ERCC2: variants seen among roughly 807,000 people sequenced by gnomAD.
ERCC2 encodes the protein general transcription and DNA repair factor IIH helicase subunit XPD.
A neutral mutation model predicts 99.4 loss-of-function variants in ERCC2; 90 were observed. The observed-to-expected ratio is 0.91, with a 90% CI of 0.76 to 1.08. ERCC2 has a LOEUF of 1.08. ERCC2 is among the 50% of genes least tolerant of loss of function. The pLI is 0.00. For missense variants in ERCC2, 993 were observed against 1,038.1 expected, an observed-to-expected ratio of 0.96 and a Z score of 0.60; for synonymous variants, 497 against 432.4, an observed-to-expected ratio of 1.15 and a Z score of -1.85.
At chr19:45,355,141 G>A (rs1220039274) in intron 16 of ERCC2, among the ~76,000 whole-genome samples, 2 of 152,238 alleles carry the variant, frequency 1.3e-5, no homozygotes, top group Non-Finnish European at 2.9e-5. Context: ...TGGATCATCT[G>A]AAGTCAGGAG....
chr19:45,365,226 C>G, intron 5 of ERCC2, 68 bp from the exon 6 acceptor site: 1 of 1,147,412 alleles, frequency 8.7e-7, no homozygotes, highest in South Asian at 1.2e-5. Context: ...ACCCTGGTCT[C>G]CACACCTCCC....
chr19:45,370,428 C>T lies in ERCC2; in HGVS notation c.5+108G>A, dbSNP rs3916793. On this transcript the variant is annotated intron_variant, in intron 1 of 22. Transcript: ENST00000391945. ...CCCTGCGGCTGCCCCCGTCCCACCCCTTCACCCTCCCCTCGCCCCCTTGGG... is the reference window on the plus strand; with the variant it reads ...CCCTGCGGCTGCCCCCGTCCCACCCTTTCACCCTCCCCTCGCCCCCTTGGG... 6.1e-4 allele frequency: 917 copies of T among 1,499,820 alleles called. 6 individuals carry two copies. In the African/African-American group the frequency reaches 0.011, roughly 17 times the overall value. The allele number at this position is 1,499,820 out of a possible 1,614,324, so 92.9% of individuals were successfully genotyped here.
intron 5 of ERCC2, among the ~76,000 whole-genome samples, chr19:45,367,868 T>C (rs2123309433): frequency 6.6e-6 from 1 of 151,954 alleles, no homozygotes; most frequent in African/African-American, 2.4e-5. Flanking sequence ...ATTTGTCATA[T>C]ATCATTATGC....
chr19:45,363,669 C>T, intron 11 of ERCC2, 74 bp downstream of exon 11: 29 of 1,450,532 alleles, frequency 2.0e-5, no homozygotes, highest in Non-Finnish European at 2.5e-5. Flanking sequence ...CCTGGGGCTA[C>T]AGGCGTGGAG....
chr19:45,359,919 T>C (rs3916831), intron 12 of ERCC2, among the ~76,000 whole-genome samples: 2,984 of 150,990 alleles, frequency 0.02, 99 homozygotes, highest in African/African-American at 0.067. Context: ...GAACTATAGG[T>C]GCGTGCCACC....
At position 45,357,250 on chromosome 19, in the gene ERCC2, C is replaced by T. The variant is rs201300021; in HGVS notation, c.1479+20G>A. 1.3e-5 allele frequency: 20 copies of T among 1,592,454 alleles called. No individual in the cohort carries two copies. Among genetic ancestry groups the T allele is most frequent in the Admixed American group, 8.4e-5 (5 of 59,394 alleles). On this transcript the variant is annotated intron_variant, in intron 15 of 22. Transcript: ENST00000391945. Reference sequence around the variant, plus strand: ...CCCCCATCTCCCCTCCCGGCCCCAGCCCTAGCCTCTCCCACTCACCATAGG... The same window carrying T: ...CCCCCATCTCCCCTCCCGGCCCCAGTCCTAGCCTCTCCCACTCACCATAGG...
chr19:45,369,710 C>T (rs752690722), intron 2 of ERCC2, among the ~76,000 whole-genome samples: 2 of 152,134 alleles, frequency 1.3e-5, no homozygotes, highest in Non-Finnish European at 2.9e-5. Context: ...ACAAGTGTCA[C>T]TATTGCCCAG....
intron 17 of ERCC2, among the ~76,000 whole-genome samples, chr19:45,353,593 C>G (rs1011501944): frequency 2.0e-5 from 3 of 152,170 alleles, no homozygotes; most frequent in African/African-American, 7.2e-5. Context: ...CAACCCCTGC[C>G]AGCGATTGGT....
chr19:45,357,909 T>G, intron 12 of ERCC2: 1 of 611,588 alleles, frequency 1.6e-6, no homozygotes, highest in South Asian at 1.8e-5. Flanking sequence ...GGCCCACACC[T>G]GTGCAAACTT....
intron 12 of ERCC2, chr19:45,359,077 G>A: frequency 1.7e-6 from 1 of 599,822 alleles, no homozygotes; most frequent in Non-Finnish European, 3.0e-6. Context: ...TCCTCAGATA[G>A]TGATGACTGA....
At chr19:45,357,777 G>C in intron 12 of ERCC2, 78 bp from the exon 13 acceptor site, 1 of 1,290,150 alleles carries the variant, frequency 7.8e-7, no homozygotes, top group Non-Finnish European at 1.1e-6. Flanking sequence ...TCCCTCTCCT[G>C]CTCCCTCGCT....
Position 45,350,182 on chromosome 19 carries a change from G to GAGGC in ERCC2, c.*1443_*1446dup. 1 of 620,992 alleles carries GAGGC rather than the reference G, an allele frequency of 1.6e-6. No individual in the cohort carries two copies. The highest frequency in any genetic ancestry group is 2.8e-6 in the Non-Finnish European group (1 of 355,596). The allele number at this position is 620,992 out of a possible 1,614,324, so 38.5% of individuals were successfully genotyped here. ...CACGCTTGTAACCCCAACACTTTGG[G>GAGGC]AGGCCAAGGCAGGAGGATCACTTGA... is the stretch of plus-strand genomic sequence containing the variant. On this transcript the variant is annotated 3_prime_UTR_variant, in exon 23 of 23. Coordinates refer to ENST00000391945, the MANE Select transcript of ERCC2 (RefSeq NM_000400.4).
At chr19:45,370,044 TA>T in intron 2 of ERCC2, 88 bp downstream of exon 2, 1 of 1,289,752 alleles carries the variant, frequency 7.8e-7, no homozygotes, top group Non-Finnish European at 1.1e-6. Flanking sequence ...CTCGGACTTC[TA>T]AAATCCAGAC....
rs758788696 is a variant in ERCC2, at chr19:45,350,791, A to T, written c.*838T>A. 3 of 1,536,052 alleles carry T rather than the reference A, an allele frequency of 2.0e-6. No homozygotes were observed. Among genetic ancestry groups the T allele is most frequent in the Non-Finnish European group, 2.7e-6 (3 of 1,124,192 alleles). ...GGCAAAGAGCCCTGACATCAGCAGA[A>T]TCCACAGCCCACCCCACCCCCACCC... On this transcript the variant is annotated 3_prime_UTR_variant, in exon 23 of 23. Coordinates refer to ENST00000391945, the MANE Select transcript of ERCC2 (RefSeq NM_000400.4).
chr19:45,352,810 T>C lies in ERCC2; in HGVS notation c.1838A>G (p.His613Arg). Residue 613 changes from histidine to arginine, a missense_variant, in exon 20 of 23, where the codon CAC becomes CGC. By Grantham distance (29) the His-to-Arg change is conservative. Around this residue, in one of 3 missense-constraint regions of ERCC2, gnomAD observed 909 missense variants for 930.8 expected, o/e 0.98. Coordinates refer to ENST00000391945, the MANE Select transcript of ERCC2 (RefSeq NM_000400.4). ...AAACATGATGACGGCCCGCCCGTAG[T>C]GGTGCACTGGTGGGCAGAGGAGAGG... is the stretch of plus-strand genomic sequence containing the variant. ...KVSEGIDFVH[H>R]YGRAVIMFGV... 1 of 1,612,908 alleles carries C rather than the reference T, an allele frequency of 6.2e-7. No homozygotes were observed. Among genetic ancestry groups the C allele is most frequent in the Non-Finnish European group, 8.5e-7 (1 of 1,179,650 alleles).
Position 45,351,019 on chromosome 19 carries a change from TGAGGGGGACATCTGGGTCAAAAATA to T in ERCC2, c.*585_*609del. The T allele has an allele frequency of 6.2e-7, 1 of 1,613,748 alleles. No homozygotes were observed. The highest frequency in any genetic ancestry group is 8.5e-7 in the Non-Finnish European group (1 of 1,179,910). ...GCTCCAAGGGCTCCTGGGACTCAGGTGAGGGGGACATCTGGGTCAAAAATAGAGGAGGCCATGTGGGTAGGTGCAG... is the reference window on the plus strand; with the variant it reads ...GCTCCAAGGGCTCCTGGGACTCAGGTGAGGAGGCCATGTGGGTAGGTGCAG... On this transcript the variant is annotated 3_prime_UTR_variant, in exon 23 of 23. Transcript: ENST00000391945.
intron 5 of ERCC2, among the ~76,000 whole-genome samples, chr19:45,367,362 T>C (rs942033277): frequency 1.6e-4 from 9 of 55,962 alleles, no homozygotes; most frequent in African/African-American, 4.0e-4. Context: ...AAAATATATA[T>C]ATATATACAC....
chr19:45,360,369 A>G (rs1316794581), intron 12 of ERCC2, among the ~76,000 whole-genome samples: 2 of 129,116 alleles, frequency 1.5e-5, no homozygotes, highest in African/African-American at 6.4e-5. Flanking sequence ...GGCGTAAACC[A>G]CCACGCCCGG....
chr19:45,358,215 C>A (rs1429262006), intron 12 of ERCC2: 2 of 201,552 alleles, frequency 9.9e-6, no homozygotes, highest in Non-Finnish European at 2.1e-5. Flanking sequence ...ACAACACACC[C>A]AGCTAATTTC....
Sources: allele counts gnomAD v4.1 joint callset (sites outside exome capture counted in the v4.1 genomes callset), GRCh38; gene constraint gnomAD v4.1.1; regional missense constraint gnomAD v4.1.1; transcripts MANE v1.5; gene names NCBI Gene and HGNC (gene_info 2026-07-23, HGNC 2026-07-21).